The following TAOK3 variants were observed in gnomAD, a reference collection of about 807,000 sequenced individuals.
TAOK3 encodes the protein serine/threonine-protein kinase TAO3.
TAOK3 carries 40 observed loss-of-function variants against 120.4 expected under a neutral mutation model. The observed-to-expected ratio is 0.33, with a 90% confidence interval of 0.26 to 0.43. The LOEUF is 0.43. Ranked by LOEUF, TAOK3 falls within the 20% of genes least tolerant of loss-of-function variation. The pLI is 1.00. For synonymous variants in TAOK3, 355 were observed against 387.5 expected (o/e 0.92, Z 0.99); for missense variants, 821 against 1,112.1 (o/e 0.74, Z 3.72).
chr12:118,159,867 G>A, intron 19 of TAOK3: 1 of 458,802 alleles, frequency 2.2e-6, no homozygotes, highest in Non-Finnish European at 3.9e-6. Flanking sequence ...TGAACACATG[G>A]TATCATATGT....
intron 11 of TAOK3, 93 bp downstream of exon 11, chr12:118,212,821 T>A (rs1467199600): frequency 1.2e-6 from 1 of 862,282 alleles, no homozygotes; most frequent in African/African-American, 1.7e-5. Flanking sequence ...CTAAACCACT[T>A]TGTCATGATG....
chr12:118,243,428 T>G lies in TAOK3; in HGVS notation c.281A>C (p.Glu94Ala). ...CCTTCGACTTACCCAAGCAGTGTGT[T>G]CTTTCAAGTAACAGCCTTTGTACTC... ...TIEYKGCYLK[E>A]HTAWLVMEYC... Residue 94 changes from glutamate (E) to alanine (A), a missense_variant, in exon 5 of 21, where the codon GAA (glutamate) becomes GCA (alanine). Around this residue, in one of 2 missense-constraint regions of TAOK3, gnomAD observed 467 missense variants for 540.0 expected, o/e 0.86. Transcript: ENST00000392533. The G allele has an allele frequency of 6.4e-7, 1 of 1,566,348 alleles. No individual in the cohort carries two copies. The highest frequency in any genetic ancestry group is 8.6e-7 in the Non-Finnish European group (1 of 1,157,870).
intron 1 of TAOK3, among the ~76,000 whole-genome samples, chr12:118,338,642 C>T (rs927150364): frequency 2.0e-5 from 3 of 151,862 alleles, no homozygotes; most frequent in African/African-American, 7.3e-5. Flanking sequence ...AAAAATTAGC[C>T]AGGCGTGGTG....
chr12:118,191,446 T>G (rs1209411201), intron 13 of TAOK3, among the ~76,000 whole-genome samples: 1 of 152,344 alleles, frequency 6.6e-6, no homozygotes, highest in South Asian at 2.1e-4. Context: ...ATGACTATTT[T>G]AATTAAAAAT....
chr12:118,335,781 A>G (rs1016510132), intron 1 of TAOK3, among the ~76,000 whole-genome samples: 1 of 152,356 alleles, frequency 6.6e-6, no homozygotes, highest in Non-Finnish European at 1.5e-5. Flanking sequence ...GTGAGTGGAG[A>G]TGGTGCCACT....
chr12:118,157,092 G>C (rs1379012868), intron 19 of TAOK3, among the ~76,000 whole-genome samples: 1 of 151,996 alleles, frequency 6.6e-6, no homozygotes, highest in Non-Finnish European at 1.5e-5. Context: ...CTGAACACTG[G>C]ACTCTCCACA....
intron 9 of TAOK3, among the ~76,000 whole-genome samples, chr12:118,229,483 A>G (rs904119646): frequency 1.3e-5 from 2 of 152,114 alleles, no homozygotes; most frequent in African/African-American, 4.8e-5. Flanking sequence ...TATTTCAACT[A>G]CCTTCTCCTA....
chr12:118,337,391 A>AC (rs1219519795), intron 1 of TAOK3, among the ~76,000 whole-genome samples: 1 of 152,352 alleles, frequency 6.6e-6, no homozygotes, highest in Non-Finnish European at 1.5e-5. Flanking sequence ...TTACCATACA[A>AC]CGCAGCAGTT....
intron 1 of TAOK3, among the ~76,000 whole-genome samples, chr12:118,267,786 G>A (rs1661250745): frequency 6.7e-6 from 1 of 150,286 alleles, no homozygotes; most frequent in African/African-American, 2.4e-5. Flanking sequence ...TCAGGAGGCT[G>A]AGGCAGGAGA....
At chr12:118,356,195 T>A (rs1046401135) in intron 1 of TAOK3, among the ~76,000 whole-genome samples, 3 of 152,040 alleles carry the variant, frequency 2.0e-5, no homozygotes, top group Admixed American at 6.6e-5. Context: ...TACTATGCAC[T>A]GGGAATGTAA....
Position 118,214,097 on chromosome 12 carries a change from C to A in TAOK3, c.657G>T (p.Pro219=), listed in dbSNP as rs144534286. The A allele has an allele frequency of 6.8e-6, 11 of 1,608,186 alleles. No homozygotes were observed. Among genetic ancestry groups the A allele is most frequent in the Non-Finnish European group, 9.3e-6 (11 of 1,178,416 alleles). Reference sequence around the variant, plus strand: ...TCATTGCATTCATGTTGAAAAGGGGCGGCTTCCGTTCCGCTGGAAGAGGAA... The same window carrying A: ...TCATTGCATTCATGTTGAAAAGGGGAGGCTTCCGTTCCGCTGGAAGAGGAA... ...ITCIELAERK[P]PLFNMNAMSA... The change falls in exon 10 of 21, where the codon CCG becomes CCT. Residue 219 remains proline (P), a synonymous_variant. Transcript: ENST00000392533.
At chr12:118,355,086 A>T (rs2045337027) in intron 1 of TAOK3, among the ~76,000 whole-genome samples, 1 of 151,920 alleles carries the variant, frequency 6.6e-6, no homozygotes, top group Non-Finnish European at 1.5e-5. Context: ...ATAAAATAAA[A>T]CTCATGAATG....
At chr12:118,179,801 T>A (rs1465534480) in intron 15 of TAOK3, among the ~76,000 whole-genome samples, 3 of 149,398 alleles carry the variant, frequency 2.0e-5, no homozygotes, top group Non-Finnish European at 4.5e-5. Flanking sequence ...CCTGCCACCA[T>A]GCCCAGCTAA....
intron 1 of TAOK3, among the ~76,000 whole-genome samples, chr12:118,300,598 C>T (rs889743269): frequency 2.0e-5 from 3 of 152,134 alleles, no homozygotes; most frequent in Non-Finnish European, 2.9e-5. Flanking sequence ...CACACTCACA[C>T]ACACTCACAC....
chr12:118,189,221 G>C (rs772362655), intron 14 of TAOK3, among the ~76,000 whole-genome samples: 10 of 152,116 alleles, frequency 6.6e-5, no homozygotes, highest in Non-Finnish European at 1.5e-4. Flanking sequence ...GAATGAACCA[G>C]AAGGAACCAG....
At chr12:118,365,267 T>C (rs1395180036) in intron 1 of TAOK3, among the ~76,000 whole-genome samples, 1 of 152,246 alleles carries the variant, frequency 6.6e-6, no homozygotes, top group Non-Finnish European at 1.5e-5. Context: ...AGGGTCTTGC[T>C]CTATCAGCCG....
intron 1 of TAOK3, among the ~76,000 whole-genome samples, chr12:118,325,642 C>T (rs960411813): frequency 2.0e-5 from 3 of 151,848 alleles, no homozygotes; most frequent in African/African-American, 7.3e-5. Context: ...AGGTAGTTTG[C>T]CAATATTTTC....
At chr12:118,306,691 AAC>A (rs1485543931) in intron 1 of TAOK3, among the ~76,000 whole-genome samples, 1 of 152,208 alleles carries the variant, frequency 6.6e-6, no homozygotes, top group African/African-American at 2.4e-5. Flanking sequence ...TACTTAGAGT[AAC>A]TAAGCCACAA....
At chr12:118,172,379 C>G in intron 17 of TAOK3, 78 bp downstream of exon 17, 5 of 1,469,562 alleles carry the variant, frequency 3.4e-6, no homozygotes, top group Non-Finnish European at 4.8e-6. Flanking sequence ...AGGAATGGAC[C>G]AGGCAGACAT....
Sources: allele counts gnomAD v4.1 joint callset (sites outside exome capture counted in the v4.1 genomes callset), GRCh38; gene constraint gnomAD v4.1.1; regional missense constraint gnomAD v4.1.1; transcripts MANE v1.5; gene names NCBI Gene and HGNC (gene_info 2026-07-23, HGNC 2026-07-21).